Variants in TMEM161B observed in about 807,000 individuals in gnomAD.
TMEM161B encodes transmembrane protein 161B.
A neutral mutation model predicts 61.8 loss-of-function variants in TMEM161B; 34 were observed. The observed-to-expected ratio is 0.55, with a 90% CI of 0.42 to 0.73. TMEM161B has a LOEUF of 0.73. Among genes scored for constraint, TMEM161B ranks in the 30% least tolerant of loss-of-function variants. The pLI is 0.00. For missense variants in TMEM161B, 456 were observed against 558.5 expected (o/e 0.82, Z 1.85); for synonymous variants, 167 against 192.8 (o/e 0.87, Z 1.11).
intron 1 of TMEM161B, among the ~76,000 whole-genome samples, chr5:88,256,072 G>C (rs1265237653): frequency 2.0e-5 from 3 of 151,934 alleles, no homozygotes; most frequent in Non-Finnish European, 4.4e-5. Flanking sequence ...ACAACAAAGA[G>C]GGAAAGGAAA....
downstream of TMEM161B, among the ~76,000 whole-genome samples, chr5:88,190,463 C>T (rs1051345389): frequency 8.5e-5 from 13 of 152,304 alleles, no homozygotes; most frequent in African/African-American, 2.9e-4. Context: ...TCCTCCATCA[C>T]TTGTCCTCCC....
intron 1 of TMEM161B, among the ~76,000 whole-genome samples, chr5:88,262,872 A>G (rs747708587): frequency 2.0e-5 from 3 of 152,164 alleles, no homozygotes; most frequent in Admixed American, 6.5e-5. Context: ...TCTTCCTCTT[A>G]AGATTTCTGT....
intron 5 of TMEM161B, among the ~76,000 whole-genome samples, chr5:88,209,669 C>A (rs1023874065): frequency 6.6e-5 from 10 of 152,100 alleles, no homozygotes; most frequent in African/African-American, 2.4e-4. Flanking sequence ...ATCTTAAAAA[C>A]CTAATTATTT....
chr5:88,214,231 A>G (rs1288423193), intron 5 of TMEM161B, among the ~76,000 whole-genome samples: 2 of 152,206 alleles, frequency 1.3e-5, no homozygotes, highest in Non-Finnish European at 2.9e-5. Context: ...TAACACAGCC[A>G]TGAAAACATA....
intron 9 of TMEM161B, chr5:88,202,236 T>A: frequency 2.4e-6 from 1 of 419,334 alleles, no homozygotes; most frequent in Non-Finnish European, 4.8e-6. Context: ...TCTATTACTC[T>A]AACAGTTCTA....
At chr5:88,219,742 G>T (rs1327503524) in intron 5 of TMEM161B, among the ~76,000 whole-genome samples, 1 of 152,036 alleles carries the variant, frequency 6.6e-6, no homozygotes, top group Non-Finnish European at 1.5e-5. Flanking sequence ...TATCAAGTAT[G>T]AGGGAAAAAA....
At chr5:88,191,279 A>G (rs1416667759), downstream of TMEM161B, among the ~76,000 whole-genome samples, 46 of 152,212 alleles carry the variant, frequency 3.0e-4, no homozygotes, top group Non-Finnish European at 1.0e-4. Flanking sequence ...AGGAAGTCCT[A>G]GACCCTCCTT....
intron 9 of TMEM161B, 95 bp from the exon 10 acceptor site, chr5:88,199,245 T>C: frequency 7.9e-7 from 1 of 1,269,378 alleles, no homozygotes; most frequent in South Asian, 1.6e-5. Flanking sequence ...ATATAAGAAG[T>C]CTATACTTCG....
intron 4 of TMEM161B, among the ~76,000 whole-genome samples, chr5:88,220,958 C>G (rs1748860511): frequency 1.3e-5 from 2 of 151,998 alleles, no homozygotes; most frequent in African/African-American, 4.8e-5. Flanking sequence ...TAAAAGATTA[C>G]CAAAAGTTAT....
chr5:88,196,613 TAAAAATAAAG>T lies in TMEM161B; in HGVS notation c.1187-135_1187-126del, dbSNP rs1012786761. 3 of 1,007,724 alleles carry T rather than the reference TAAAAATAAAG, an allele frequency of 3.0e-6. No homozygotes were observed. In the Admixed American group the frequency reaches 1.0e-4, roughly 34 times the overall value. The allele number at this position is 1,007,724 out of a possible 1,614,324, so 62.4% of individuals were successfully genotyped here. On this transcript the variant is annotated intron_variant, in intron 11 of 11. Transcript: ENST00000296595. ...AGTGGCACAGTACATCATTTTATGT[TAAAAATAAAG>T]TAAAATAATAATCCTTCTAGATCTG...
chr5:88,205,777 A>ATT, intron 8 of TMEM161B, 37 bp downstream of exon 8: 4 of 1,603,186 alleles, frequency 2.5e-6, no homozygotes, highest in Non-Finnish European at 3.4e-6. Context: ...GAAAACATAT[A>ATT]TTTATCTGCA....
chr5:88,190,488 G>A (rs999631575), downstream of TMEM161B, among the ~76,000 whole-genome samples: 1 of 152,120 alleles, frequency 6.6e-6, no homozygotes, highest in Non-Finnish European at 1.5e-5. Context: ...CCTGGAGAAA[G>A]TCCTTTTCTT....
chr5:88,223,967 T>C (rs1580505493), intron 4 of TMEM161B, among the ~76,000 whole-genome samples: 1 of 152,268 alleles, frequency 6.6e-6, no homozygotes, highest in East Asian at 1.9e-4. Flanking sequence ...ATTTTTTAGT[T>C]CTAGGACATG....
At chr5:88,207,577 C>T (rs1468856376) in intron 5 of TMEM161B, among the ~76,000 whole-genome samples, 1 of 152,156 alleles carries the variant, frequency 6.6e-6, no homozygotes, top group Non-Finnish European at 1.5e-5. Context: ...TTACTAGTAG[C>T]TATTGTTGAT....
chr5:88,243,883 T>G (rs144838844), intron 1 of TMEM161B, among the ~76,000 whole-genome samples: 233 of 152,134 alleles, frequency 1.5e-3, no homozygotes, highest in African/African-American at 5.4e-3. Context: ...GTTGGCCACA[T>G]AAATGTCTCC....
At chr5:88,190,001 C>T (rs1359733779) in exon 13 of TMEM161B, 2 of 695,814 alleles carry the variant, frequency 2.9e-6, no homozygotes, top group Non-Finnish European at 5.2e-6. Flanking sequence ...CAAACGCCAG[C>T]CCATTATCTG....
intron 9 of TMEM161B, chr5:88,201,541 TA>T (rs548347457): frequency 1.1e-3 from 163 of 152,186 alleles, no homozygotes; most frequent in African/African-American, 3.9e-3. Context: ...AACTGGTATA[TA>T]AGTGTTTTAT....
intron 2 of TMEM161B, among the ~76,000 whole-genome samples, chr5:88,231,088 G>A (rs1372929466): frequency 6.6e-6 from 1 of 152,192 alleles, no homozygotes; most frequent in African/African-American, 2.4e-5. Context: ...ACATTGATGT[G>A]CCCAGAGGGT....
At chr5:88,236,462 A>G (rs1232624394) in intron 2 of TMEM161B, among the ~76,000 whole-genome samples, 2 of 152,196 alleles carry the variant, frequency 1.3e-5, no homozygotes, top group Non-Finnish European at 2.9e-5. Context: ...CTTCAAAACA[A>G]AAAGGAACTT....
Sources: allele counts gnomAD v4.1 joint callset (sites outside exome capture counted in the v4.1 genomes callset), GRCh38; gene constraint gnomAD v4.1.1; transcripts MANE v1.5; gene names NCBI Gene and HGNC (gene_info 2026-07-23, HGNC 2026-07-21).